ADAMTS17: variants seen among roughly 807,000 people sequenced by gnomAD.
ADAMTS17 encodes A disintegrin and metalloproteinase with thrombospondin motifs 17.
Under a neutral mutation model 141.5 loss-of-function variants are expected in ADAMTS17, and 113 were observed. The observed-to-expected ratio is 0.80, with a 90% CI of 0.69 to 0.93. The LOEUF is 0.93. ADAMTS17 is among the 40% of genes least tolerant of loss of function. The pLI, the probability that ADAMTS17 is intolerant of heterozygous loss-of-function variation, is 0.00. For missense variants in ADAMTS17, 1,659 were observed against 1,517.9 expected, an observed-to-expected ratio of 1.09 and a Z score of -1.54; for synonymous variants, 768 against 630.6, an observed-to-expected ratio of 1.22 and a Z score of -3.27.
At chr15:100,263,581 T>C (rs940934328) in intron 4 of ADAMTS17, among the ~76,000 whole-genome samples, 6 of 152,108 alleles carry the variant, frequency 3.9e-5, no homozygotes, top group African/African-American at 9.7e-5. Context: ...GGAGTCAAAG[T>C]TGACATGGAT....
chr15:100,105,182 G>A (rs1419792016), intron 14 of ADAMTS17, among the ~76,000 whole-genome samples: 1 of 152,220 alleles, frequency 6.6e-6, no homozygotes, highest in Non-Finnish European at 1.5e-5. Flanking sequence ...TGGTCTGCCT[G>A]GAGGCAGCGG....
At chr15:100,244,794 T>C (rs1166227311) in intron 7 of ADAMTS17, among the ~76,000 whole-genome samples, 1 of 152,130 alleles carries the variant, frequency 6.6e-6, no homozygotes, top group Non-Finnish European at 1.5e-5. Context: ...CTGCTCTCCT[T>C]GCCTCTCCTG....
At chr15:100,233,849 G>A (rs2042568596) in intron 7 of ADAMTS17, among the ~76,000 whole-genome samples, 1 of 152,046 alleles carries the variant, frequency 6.6e-6, no homozygotes, top group South Asian at 2.1e-4. Flanking sequence ...AGGAGGCTGA[G>A]GCAGAGGTGG....
intron 14 of ADAMTS17, among the ~76,000 whole-genome samples, chr15:100,098,481 T>C (rs1488486558): frequency 6.6e-6 from 1 of 152,056 alleles, no homozygotes; most frequent in Non-Finnish European, 1.5e-5. Context: ...ACCCCGTCTC[T>C]ACTAAAAATA....
chr15:100,017,899 T>G (rs1396101050), intron 18 of ADAMTS17, among the ~76,000 whole-genome samples: 3 of 152,216 alleles, frequency 2.0e-5, no homozygotes, highest in African/African-American at 7.2e-5. Flanking sequence ...TGTGTTTTTT[T>G]GTCGTGGTAA....
intron 18 of ADAMTS17, among the ~76,000 whole-genome samples, chr15:100,025,547 G>T (rs2061496281): frequency 6.6e-6 from 1 of 151,914 alleles, no homozygotes; most frequent in Non-Finnish European, 1.5e-5. Context: ...CAGTAGCTGG[G>T]ATTATAGGCA....
intron 7 of ADAMTS17, among the ~76,000 whole-genome samples, chr15:100,247,469 C>T (rs186231403): frequency 6.6e-5 from 10 of 152,284 alleles, no homozygotes; most frequent in Admixed American, 1.3e-4. Context: ...ACACAGAAAA[C>T]GCTGGCTCAC....
chr15:100,288,155 G>T (rs1191581312), intron 3 of ADAMTS17, among the ~76,000 whole-genome samples: 1 of 152,184 alleles, frequency 6.6e-6, no homozygotes, highest in Admixed American at 6.5e-5. Flanking sequence ...AGAGTAAAGG[G>T]ATGGAGAAAC....
At chr15:100,335,969 G>A (rs2046196980) in intron 2 of ADAMTS17, among the ~76,000 whole-genome samples, 1 of 152,166 alleles carries the variant, frequency 6.6e-6, no homozygotes, top group African/African-American at 2.4e-5. Flanking sequence ...CAGATGTACT[G>A]GCTGCAAAAA....
chr15:100,239,987 C>T (rs918445832), intron 7 of ADAMTS17, among the ~76,000 whole-genome samples: 1 of 152,302 alleles, frequency 6.6e-6, no homozygotes, highest in South Asian at 2.1e-4. Flanking sequence ...CTGTCTCTCC[C>T]CCAGTCACAG....
At chr15:100,038,890 C>G (rs115650038) in intron 18 of ADAMTS17, among the ~76,000 whole-genome samples, 2,092 of 152,300 alleles carry the variant, frequency 0.014, 43 homozygotes, top group African/African-American at 0.044. Flanking sequence ...GTGTCTTGCT[C>G]CTGATCTTTG....
At chr15:99,980,000 T>A (rs1423070182) in intron 20 of ADAMTS17, 4 of 152,182 alleles carry the variant, frequency 2.6e-5, no homozygotes, top group Non-Finnish European at 5.9e-5. Context: ...TTAATTTCTG[T>A]GACTATTTGG....
chr15:100,013,698 G>A (rs368971922), intron 18 of ADAMTS17, among the ~76,000 whole-genome samples: 16 of 152,146 alleles, frequency 1.1e-4, no homozygotes, highest in African/African-American at 2.7e-4. Flanking sequence ...ATTGACTTGT[G>A]TATATTAAAT....
At chr15:100,189,777 G>T (rs1490756437) in intron 8 of ADAMTS17, among the ~76,000 whole-genome samples, 1 of 152,212 alleles carries the variant, frequency 6.6e-6, no homozygotes, top group African/African-American at 2.4e-5. Flanking sequence ...AACTACCACT[G>T]TGGATGCCCT....
At chr15:100,049,835 G>A (rs906470747) in intron 17 of ADAMTS17, among the ~76,000 whole-genome samples, 7 of 152,202 alleles carry the variant, frequency 4.6e-5, no homozygotes, top group African/African-American at 9.7e-5. Context: ...AAGCAGCCTG[G>A]TTTGCTTAAC....
chr15:100,056,133 C>T (rs770367255), intron 15 of ADAMTS17, among the ~76,000 whole-genome samples: 14 of 152,188 alleles, frequency 9.2e-5, no homozygotes, highest in African/African-American at 1.7e-4. Context: ...ACTGATTTCA[C>T]GGATTTCCAA....
intron 18 of ADAMTS17, among the ~76,000 whole-genome samples, chr15:100,020,277 G>T (rs1567682880): frequency 6.6e-6 from 1 of 152,192 alleles, no homozygotes; most frequent in Non-Finnish European, 1.5e-5. Flanking sequence ...ATTTGACAAG[G>T]ATCTCAGAAA....
At chr15:100,069,825 A>C (rs2141716533) in intron 15 of ADAMTS17, among the ~76,000 whole-genome samples, 1 of 150,530 alleles carries the variant, frequency 6.6e-6, no homozygotes, top group South Asian at 2.1e-4. Flanking sequence ...CTAGGAAGAA[A>C]CTGCACCAAC....
chr15:100,097,725 G>A (rs911373853), intron 14 of ADAMTS17, among the ~76,000 whole-genome samples: 1 of 152,262 alleles, frequency 6.6e-6, no homozygotes, highest in South Asian at 2.1e-4. Flanking sequence ...GGGTGCACCT[G>A]AGAATGTGCA....
Sources: allele counts gnomAD v4.1 joint callset (sites outside exome capture counted in the v4.1 genomes callset), GRCh38; gene constraint gnomAD v4.1.1; transcripts MANE v1.5; gene names NCBI Gene and HGNC (gene_info 2026-07-23, HGNC 2026-07-21).